Variants in RC3H2 observed in about 807,000 individuals in gnomAD.
RC3H2 encodes the protein ring finger and CCCH-type domains 2, also known as roquin-2.
A neutral mutation model predicts 133.3 loss-of-function variants in RC3H2; 31 were observed. The observed-to-expected ratio is 0.23, with a 90% CI of 0.17 to 0.31. The LOEUF is 0.31. RC3H2 is among the 10% of genes least tolerant of loss of function. RC3H2 has a pLI of 1.00. For synonymous variants in RC3H2, 517 were observed against 502.2 expected, an observed-to-expected ratio of 1.03 and a Z score of -0.40; for missense variants, 1,175 against 1,437.2, an observed-to-expected ratio of 0.82 and a Z score of 2.95.
rs978542538 is a variant in RC3H2, at chr9:122,847,457, A to G, written c.*2170T>C. On this transcript the variant is annotated 3_prime_UTR_variant, in exon 21 of 21. Transcript: ENST00000357244. ...CTTAAAAAAAAATACATTACCTTCA[A>G]CATGGAAGATCTCACTATTAAATAT... is the stretch of plus-strand genomic sequence containing the variant. 1.3e-5 allele frequency: 2 copies of G among 152,114 alleles called. No individual in the cohort carries two copies. Among genetic ancestry groups the G allele is most frequent in the African/African-American group, 4.8e-5 (2 of 41,432 alleles). The allele number at this position is 152,114 out of a possible 1,614,324, so 9.4% of individuals were successfully genotyped here.
intron 14 of RC3H2, 69 bp downstream of exon 14, chr9:122,855,663 C>T: frequency 3.3e-6 from 5 of 1,507,266 alleles, no homozygotes; most frequent in Non-Finnish European, 4.5e-6. Context: ...AGAAAACATT[C>T]ATTCTACAAC....
rs1419437868 is a variant in RC3H2 at position 122,905,354 on chromosome 9, A to G, written c.-312T>C. On this transcript the variant is annotated 5_prime_UTR_variant, in exon 1 of 21. Transcript: ENST00000357244. ...CTCCTCACCACGGAGGCGGACCTGGAGGGATCCCGATCTAGCTCTCGCGAG... is the reference window on the plus strand; with the variant it reads ...CTCCTCACCACGGAGGCGGACCTGGGGGGATCCCGATCTAGCTCTCGCGAG... 9 of 933,856 alleles carry G rather than the reference A, an allele frequency of 9.6e-6. No individual in the cohort carries two copies. In the African/African-American group the frequency reaches 1.2e-4, roughly 13 times the overall value. 57.8% of individuals were successfully genotyped at this position (933,856 alleles called of 1,614,324 possible). A position where few individuals can be genotyped will look rare whatever the true frequency, so the allele number is the denominator to read the frequency against.
intron 12 of RC3H2, 36 bp downstream of exon 12, chr9:122,858,633 T>TG (rs759223953): frequency 1.2e-5 from 18 of 1,553,384 alleles, no homozygotes; most frequent in Non-Finnish European, 1.6e-5. Flanking sequence ...GACACTGGGC[T>TG]GTTAATGACT....
In RC3H2 at chr9:122,844,809, T is replaced by G. The variant is rs1274589318; in HGVS notation, c.*4818A>C. 2 of 152,184 alleles carry G rather than the reference T, an allele frequency of 1.3e-5. No individual in the cohort carries two copies. The highest frequency in any genetic ancestry group is 2.9e-5 in the Non-Finnish European group (2 of 68,042). The allele number at this position is 152,184 out of a possible 1,614,324, so 9.4% of individuals were successfully genotyped here. On this transcript the variant is annotated 3_prime_UTR_variant, in exon 21 of 21. Coordinates refer to ENST00000357244, the MANE Select transcript of RC3H2 (RefSeq NM_001100588.3). Reference sequence around the variant, plus strand: ...TATACAGGCCTTATAAATCCTAGTCTTCCCCCATTTAATCCTATTCCTATA... The same window carrying G: ...TATACAGGCCTTATAAATCCTAGTCGTCCCCCATTTAATCCTATTCCTATA...
Position 122,854,518 on chromosome 9 carries a change from A to G in RC3H2, c.2900+13T>C, listed in dbSNP as rs1830168763. 12 of 1,594,544 alleles carry G rather than the reference A, an allele frequency of 7.5e-6. No homozygotes were observed. The highest frequency in any genetic ancestry group is 1.3e-5 in the African/African-American group (1 of 74,500). On this transcript the variant is annotated intron_variant, in intron 16 of 20. Coordinates refer to ENST00000357244, the MANE Select transcript of RC3H2 (RefSeq NM_001100588.3). The stretch of plus-strand genomic sequence containing the variant: ...GAGAATGGAGAATCATATAGAATTA[A>G]GAAGAACGTTACCTTTCAACATAGT...
chr9:122,861,161 G>A (rs1304598042), intron 10 of RC3H2, among the ~76,000 whole-genome samples: 1 of 152,078 alleles, frequency 6.6e-6, no homozygotes, highest in Admixed American at 6.6e-5. Flanking sequence ...GTAATCAGCT[G>A]GAAAGGATCT....
intron 9 of RC3H2, among the ~76,000 whole-genome samples, chr9:122,867,909 C>T (rs1420125968): frequency 2.8e-5 from 1 of 35,672 alleles, no homozygotes; most frequent in Non-Finnish European, 8.5e-5. Flanking sequence ...GTCAGCCCCC[C>T]GCCCAGCCAG....
At position 122,875,426 on chromosome 9, in the gene RC3H2, G is replaced by C. The variant is rs531174477; in HGVS notation, c.1325+2045C>G. On this transcript the variant is annotated intron_variant, in intron 9 of 20. Coordinates refer to ENST00000357244, the MANE Select transcript of RC3H2 (RefSeq NM_001100588.3). ...ATCATGGGCCATAGTTTCTGTAAAG[G>C]GTTTTTATAAATAAAGTTTACAGCC... 3.4e-5 allele frequency: 50 copies of C among 1,452,356 alleles called. No individual in the cohort carries two copies. The African/African-American group carries it at 4.3e-4, about 12-fold the overall frequency. 90.0% of individuals were successfully genotyped at this position (1,452,356 alleles called of 1,614,324 possible). A position where few individuals can be genotyped will look rare whatever the true frequency, so the allele number is the denominator to read the frequency against.
intron 9 of RC3H2, among the ~76,000 whole-genome samples, chr9:122,868,116 G>A (rs1255737568): frequency 1.4e-5 from 2 of 144,842 alleles, no homozygotes; most frequent in African/African-American, 5.1e-5. Flanking sequence ...CAGGAGGGAG[G>A]TGGGGGTGTC....
intron 1 of RC3H2, among the ~76,000 whole-genome samples, chr9:122,899,209 T>C (rs897283134): frequency 4.7e-5 from 7 of 148,174 alleles, no homozygotes; most frequent in African/African-American, 1.7e-4. Flanking sequence ...TTCAAGTGAT[T>C]CTCCCGCCTT....
At chr9:122,857,702 A>T (rs1830297973) in intron 13 of RC3H2, among the ~76,000 whole-genome samples, 1 of 152,232 alleles carries the variant, frequency 6.6e-6, no homozygotes. Context: ...ATACTATAGG[A>T]AAGATTTTGA....
chr9:122,855,714 AC>A lies in RC3H2; in HGVS notation c.2601+17del, dbSNP rs1241971549. Reference sequence around the variant, plus strand: ...TCATCTCTCACCTCCAACCCCTGCAACCCCAGCAAAATCATACCATTAACAC... The same window carrying A: ...TCATCTCTCACCTCCAACCCCTGCAACCCAGCAAAATCATACCATTAACAC... On this transcript the variant is annotated intron_variant, in intron 14 of 20. Transcript: ENST00000357244. 1 of 1,603,394 alleles carries A rather than the reference AC, an allele frequency of 6.2e-7. No homozygotes were observed. Among genetic ancestry groups the A allele is most frequent in the Non-Finnish European group, 8.5e-7 (1 of 1,174,844 alleles).
At chr9:122,889,097 A>T (rs1832053973) in intron 4 of RC3H2, among the ~76,000 whole-genome samples, 1 of 152,124 alleles carries the variant, frequency 6.6e-6, no homozygotes, top group Admixed American at 6.5e-5. Context: ...GACATACCTT[A>T]TATATTAGTT....
At position 122,854,130 on chromosome 9, in the gene RC3H2, G is replaced by A. The variant is rs766941524; in HGVS notation, c.2983-44C>T. ...AAAGAAAAGTTAGCTTCCAACTATA[G>A]CTTTCAACTGTCATTCTATTTCTCA... is the stretch of plus-strand genomic sequence containing the variant. On this transcript the variant is annotated intron_variant, in intron 17 of 20. Transcript: ENST00000357244. 5 of 1,611,274 alleles carry A rather than the reference G, an allele frequency of 3.1e-6. No homozygotes were observed. In the African/African-American group the frequency reaches 6.7e-5, roughly 22 times the overall value.
At chr9:122,877,856 A>C (rs571499308) in intron 8 of RC3H2, among the ~76,000 whole-genome samples, 2 of 152,352 alleles carry the variant, frequency 1.3e-5, no homozygotes, top group South Asian at 4.1e-4. Context: ...AATGCCCAGA[A>C]AAAGAAAATA....
rs149689387 is a variant in RC3H2 at position 122,873,162 on chromosome 9, C to A, written c.1325+4309G>T. On this transcript the variant is annotated intron_variant, in intron 9 of 20. Coordinates refer to ENST00000357244, the MANE Select transcript of RC3H2 (RefSeq NM_001100588.3). ...AGTTGAACAAACATTTGCTGAATTT[C>A]TGGTGTTATGTGAACTAAGACAAAC... 3.3e-3 allele frequency among the ~76,000 whole-genome samples: 497 copies of A among 152,244 alleles called. 2 individuals are homozygous for A. The highest frequency in any genetic ancestry group is 6.4e-3 in the Admixed American group (98 of 15,294).
At chr9:122,862,115 T>C (rs77265444) in intron 10 of RC3H2, among the ~76,000 whole-genome samples, 62 of 152,258 alleles carry the variant, frequency 4.1e-4, no homozygotes, top group Non-Finnish European at 7.4e-4. Flanking sequence ...CATAGACTTA[T>C]CAACAAAAAG....
rs1237119138 is a variant in RC3H2 at position 122,849,729 on chromosome 9, TGTG to T, written c.3471_3473del (p.Thr1158del). The T allele has an allele frequency of 4.4e-6, 7 of 1,608,658 alleles. No individual in the cohort carries two copies. The highest frequency in any genetic ancestry group is 1.1e-5 in the South Asian group (1 of 90,536). On this transcript the variant is annotated inframe_deletion, in exon 21 of 21. Transcript: ENST00000357244. ...GAATGAGGTTGCCAGCACTGACAGA[TGTG>T]GTGATGGGGAGGCAACTTGCATTGC...
At chr9:122,853,820 A>T (rs909972791) in intron 18 of RC3H2, 132 bp downstream of exon 18, 28 of 1,537,614 alleles carry the variant, frequency 1.8e-5, no homozygotes, top group Middle Eastern at 1.7e-4. Context: ...TATTTCTGTT[A>T]TAAGTTTTAA....
Sources: allele counts gnomAD v4.1 joint callset (sites outside exome capture counted in the v4.1 genomes callset), GRCh38; gene constraint gnomAD v4.1.1; transcripts MANE v1.5; gene names NCBI Gene and HGNC (gene_info 2026-07-23, HGNC 2026-07-21).